Variants in ITGA1 observed in about 807,000 individuals in gnomAD.
ITGA1 encodes the protein integrin subunit alpha 1.
In ITGA1, 85 loss-of-function variants were observed where a neutral mutation model predicts 145.9. That is an observed-to-expected ratio of 0.58 (90% CI 0.49 to 0.70). The LOEUF is 0.70. ITGA1 is among the 30% of genes least tolerant of loss of function. The pLI, the probability that ITGA1 is intolerant of heterozygous loss-of-function variation, is 0.00. For missense variants in ITGA1, 1,351 were observed against 1,418.7 expected (o/e 0.95, Z 0.77); for synonymous variants, 520 against 495.3 (o/e 1.05, Z -0.66).
At chr5:52,882,359 A>G (rs963606360) in intron 7 of ITGA1, among the ~76,000 whole-genome samples, 2 of 152,146 alleles carry the variant, frequency 1.3e-5, no homozygotes, top group East Asian at 1.9e-4. Flanking sequence ...AAGAGTCTCA[A>G]TCTAAAAGAA....
At chr5:52,820,065 G>T (rs1247608010) in intron 1 of ITGA1, among the ~76,000 whole-genome samples, 1 of 151,856 alleles carries the variant, frequency 6.6e-6, no homozygotes, top group Non-Finnish European at 1.5e-5. Context: ...AGTATAATTT[G>T]AAGTCAGGTA....
chr5:52,916,328 G>T, intron 15 of ITGA1, among the ~76,000 whole-genome samples: 1 of 151,386 alleles, frequency 6.6e-6, no homozygotes, highest in South Asian at 2.1e-4. Flanking sequence ...ATAAAGGAAG[G>T]GTTTCATAAA....
chr5:52,928,658 G>A (rs1365854312), intron 20 of ITGA1, among the ~76,000 whole-genome samples: 1 of 152,110 alleles, frequency 6.6e-6, no homozygotes, highest in South Asian at 2.1e-4. Flanking sequence ...GGAACAAATT[G>A]AATTTCCAAA....
intron 1 of ITGA1, chr5:52,800,100 C>A (rs185240714): frequency 0.029 from 10,756 of 368,898 alleles, 198 homozygotes; most frequent in Non-Finnish European, 0.035. Flanking sequence ...GCCTTCATTT[C>A]GTCAGCCCGC....
intron 1 of ITGA1, among the ~76,000 whole-genome samples, chr5:52,808,676 C>CTTTCATTTTTTTT (rs1554041033): frequency 1.4e-5 from 1 of 69,336 alleles, no homozygotes; most frequent in African/African-American, 6.3e-5. Context: ...TTCTTTCTTT[C>CTTTCATTTTTTTT]TTTTTTTTTT....
chr5:52,836,585 G>T (rs968115339), intron 1 of ITGA1, among the ~76,000 whole-genome samples: 2 of 152,056 alleles, frequency 1.3e-5, no homozygotes, highest in Non-Finnish European at 2.9e-5. Context: ...CCGCCACTTG[G>T]TTGTTCATTT....
intron 21 of ITGA1, 41 bp downstream of exon 21, chr5:52,929,742 A>G (rs1224902406): frequency 9.3e-7 from 1 of 1,071,040 alleles, no homozygotes; most frequent in Admixed American, 2.1e-5. Context: ...ATGAATGTAT[A>G]TTGCTTCTTC....
intron 7 of ITGA1, among the ~76,000 whole-genome samples, chr5:52,885,819 G>A (rs6886819): frequency 0.025 from 3,833 of 152,228 alleles, 187 homozygotes; most frequent in African/African-American, 0.089. Context: ...GGTTCTGATT[G>A]GTAAAGTCTC....
intron 26 of ITGA1, among the ~76,000 whole-genome samples, chr5:52,944,375 C>T (rs1288190457): frequency 6.6e-6 from 1 of 152,178 alleles, no homozygotes; most frequent in African/African-American, 2.4e-5. Flanking sequence ...GTAGCCCAAG[C>T]ATTCAGGTAC....
chr5:52,801,618 C>T (rs142889955), intron 1 of ITGA1: 8 of 1,613,828 alleles, frequency 5.0e-6, no homozygotes, highest in African/African-American at 4.0e-5. Flanking sequence ...ACACATTGCT[C>T]ATCAGCGATG....
chr5:52,871,378 T>G (rs1218329482), intron 6 of ITGA1, among the ~76,000 whole-genome samples: 1 of 152,216 alleles, frequency 6.6e-6, no homozygotes, highest in African/African-American at 2.4e-5. Context: ...ATACTTCACT[T>G]TAAATAAATT....
At chr5:52,833,178 C>T (rs1347385765) in intron 1 of ITGA1, among the ~76,000 whole-genome samples, 4 of 144,644 alleles carry the variant, frequency 2.8e-5, no homozygotes, top group East Asian at 4.0e-4. Context: ...AGTGACGGAC[C>T]GAGACTCTGT....
intron 6 of ITGA1, among the ~76,000 whole-genome samples, chr5:52,872,920 C>T (rs1412343649): frequency 6.6e-6 from 1 of 152,188 alleles, no homozygotes; most frequent in Non-Finnish European, 1.5e-5. Context: ...AGCACATTTC[C>T]TTACTGCTCT....
intron 24 of ITGA1, among the ~76,000 whole-genome samples, chr5:52,938,560 G>C (rs1751006265): frequency 6.6e-6 from 1 of 152,130 alleles, no homozygotes; most frequent in African/African-American, 2.4e-5. Flanking sequence ...CAAAAAAGCA[G>C]GTTTGTGAAA....
chr5:52,915,990 CGTAGCACTCTCTGACTCTGTTTA>C (rs1750641249), intron 15 of ITGA1, among the ~76,000 whole-genome samples: 1 of 152,118 alleles, frequency 6.6e-6, no homozygotes. Context: ...CAGATAATCG[CGTAGCACTCTCTGACTCTGTTTA>C]TATTGTTGGT....
rs77173016 is a variant in ITGA1 at position 52,809,295 on chromosome 5, C to T, written c.61+20881C>T. On this transcript the variant is annotated intron_variant, in intron 1 of 28. Transcript: ENST00000282588. ...AAAAAACACAGTCTACAATGGGGAA[C>T]GAATGGTAAAGCAGTAGTAATAGCA... Among the ~76,000 whole-genome samples the T allele has an allele frequency of 5.6e-3, 859 of 152,148 alleles. 9 individuals carry two copies. Among genetic ancestry groups the T allele is most frequent in the African/African-American group, 0.02 (828 of 41,520 alleles).
intron 6 of ITGA1, among the ~76,000 whole-genome samples, chr5:52,881,522 T>C (rs1378196699): frequency 2.0e-5 from 3 of 152,198 alleles, no homozygotes; most frequent in Non-Finnish European, 4.4e-5. Context: ...TGATCACGTG[T>C]TTAATCTCTC....
chr5:52,903,580 G>A (rs949314755), intron 11 of ITGA1: 3 of 152,070 alleles, frequency 2.0e-5, no homozygotes, highest in Non-Finnish European at 2.9e-5. Context: ...AAAAACTTTT[G>A]TTCCTTTTTA....
intron 22 of ITGA1, 143 bp from the exon 23 acceptor site, chr5:52,933,751 T>C (rs1750924907): frequency 5.2e-6 from 2 of 384,080 alleles, no homozygotes; most frequent in African/African-American, 4.2e-5. Flanking sequence ...AATTTTACGT[T>C]TCAAGGTAAA....
Sources: gnomAD v4.1 joint callset for allele counts (sites outside exome capture counted in the v4.1 genomes callset) on GRCh38, gnomAD v4.1.1 for gene constraint, MANE v1.5 for transcripts, NCBI Gene and HGNC (gene_info 2026-07-23, HGNC 2026-07-21) for gene names.